Variants in RALGAPB observed in about 807,000 individuals in gnomAD.
The protein encoded by RALGAPB is Ral GTPase activating protein non-catalytic subunit beta, also known as ral GTPase-activating protein subunit beta.
A neutral mutation model predicts 161.1 loss-of-function variants in RALGAPB; 25 were observed. That is an observed-to-expected ratio of 0.16 (90% CI 0.11 to 0.22). RALGAPB has a LOEUF of 0.22. Ranked by LOEUF, RALGAPB falls within the 10% of genes least tolerant of loss-of-function variation. The pLI is 1.00. For synonymous variants in RALGAPB, 629 were observed against 626.1 expected (o/e 1.00, Z -0.07); for missense variants, 1,391 against 1,815.2 (o/e 0.77, Z 4.25).
At chr20:38,553,736 CAGG>C (rs1340354604) in intron 21 of RALGAPB, 128 bp from the exon 22 acceptor site, 2 of 676,540 alleles carry the variant, frequency 3.0e-6, no homozygotes, top group African/African-American at 4.3e-5. Context: ...CACTTGAGCC[CAGG>C]AGTTCAAGAC....
intron 2 of RALGAPB, 146 bp downstream of exon 2, chr20:38,488,764 G>A (rs977471169): frequency 2.0e-5 from 15 of 764,136 alleles, no homozygotes; most frequent in African/African-American, 7.1e-5. Context: ...TCTCCCCAAC[G>A]TAGTATGACT....
Position 38,553,852 on chromosome 20 carries a change from T to C in RALGAPB, c.3163-15T>C. On this transcript the variant is annotated splice_polypyrimidine_tract_variant and intron_variant, in intron 21 of 29. Coordinates refer to ENST00000262879, the MANE Select transcript of RALGAPB (RefSeq NM_020336.4). The stretch of plus-strand genomic sequence containing the variant: ...GATAATAGTTTCAAAAAATGAAATA[T>C]TTGGTTTATTACAGTTAGAAGAGAG... 6.4e-7 allele frequency: 1 copy of C among 1,550,986 alleles called. No individual in the cohort carries two copies. Among genetic ancestry groups the C allele is most frequent in the Non-Finnish European group, 8.8e-7 (1 of 1,130,008 alleles).
At chr20:38,502,668 C>G (rs1441395214) in intron 5 of RALGAPB, among the ~76,000 whole-genome samples, 1 of 152,200 alleles carries the variant, frequency 6.6e-6, no homozygotes, top group Non-Finnish European at 1.5e-5. Context: ...TCACTGCAAC[C>G]TCTGCCTCAT....
intron 2 of RALGAPB, among the ~76,000 whole-genome samples, chr20:38,492,586 C>T (rs908961407): frequency 3.3e-5 from 5 of 152,076 alleles, no homozygotes; most frequent in Non-Finnish European, 7.4e-5. Flanking sequence ...AGAAAAAACT[C>T]TAAAATGTTC....
intron 5 of RALGAPB, among the ~76,000 whole-genome samples, chr20:38,502,666 A>G (rs929923064): frequency 5.9e-5 from 9 of 152,140 alleles, no homozygotes; most frequent in East Asian, 1.9e-4. Flanking sequence ...GCTCACTGCA[A>G]CCTCTGCCTC....
chr20:38,495,081 T>A (rs768568086), intron 3 of RALGAPB, among the ~76,000 whole-genome samples: 9 of 152,240 alleles, frequency 5.9e-5, no homozygotes, highest in Non-Finnish European at 1.3e-4. Flanking sequence ...TAGCTGAATA[T>A]TTTCAATGGT....
chr20:38,494,268 A>G (rs1172351789), intron 3 of RALGAPB, among the ~76,000 whole-genome samples: 1 of 152,174 alleles, frequency 6.6e-6, no homozygotes, highest in Non-Finnish European at 1.5e-5. Context: ...GTATTTTAAT[A>G]CTTAGTACTT....
intron 18 of RALGAPB, among the ~76,000 whole-genome samples, chr20:38,545,661 A>C (rs954055635): frequency 6.6e-6 from 1 of 152,204 alleles, no homozygotes; most frequent in Non-Finnish European, 1.5e-5. Context: ...CTCTCCTCCT[A>C]AAACGAAGAC....
intron 24 of RALGAPB, among the ~76,000 whole-genome samples, chr20:38,562,946 T>C (rs2087839323): frequency 6.6e-6 from 1 of 152,154 alleles, no homozygotes; most frequent in Admixed American, 6.5e-5. Flanking sequence ...TTGAGGGCCA[T>C]GTATTTGTAG....
chr20:38,509,218 T>C lies in RALGAPB; in HGVS notation c.872+10T>C. 1.2e-6 allele frequency: 2 copies of C among 1,610,388 alleles called. No homozygotes were observed. The highest frequency in any genetic ancestry group is 1.1e-5 in the South Asian group (1 of 90,558). The stretch of plus-strand genomic sequence containing the variant: ...TTTTACACATGTTAAGGTATTGTTA[T>C]TTTATTATTTCATGTGCCATTTACC... On this transcript the variant is annotated intron_variant, in intron 6 of 29. Transcript: ENST00000262879.
intron 4 of RALGAPB, among the ~76,000 whole-genome samples, chr20:38,498,069 C>CAAAAAAAA (rs11481813): frequency 8.1e-6 from 1 of 123,870 alleles, no homozygotes. Flanking sequence ...GACTCTGTCT[C>CAAAAAAAA]AAAAAAAAAA....
At chr20:38,559,752 G>T (rs1280214874) in intron 23 of RALGAPB, among the ~76,000 whole-genome samples, 3 of 152,160 alleles carry the variant, frequency 2.0e-5, no homozygotes, top group African/African-American at 7.2e-5. Flanking sequence ...GGAACAAAGA[G>T]ACTAAGAGAA....
At chr20:38,479,747 A>G (rs1178146121) in intron 1 of RALGAPB, among the ~76,000 whole-genome samples, 2 of 152,186 alleles carry the variant, frequency 1.3e-5, no homozygotes, top group African/African-American at 4.8e-5. Context: ...GATCCCTAAT[A>G]TAGCAGTTGA....
At position 38,525,385 on chromosome 20, in the gene RALGAPB, G is replaced by A; in HGVS notation, c.1788-19G>A. On this transcript the variant is annotated intron_variant, in intron 11 of 29. Transcript: ENST00000262879. ...GTGCTTTAGTTCAAAAATACTAATAGCTTTTTATTTTTTGGCAGAGAACTC... is the reference window on the plus strand; with the variant it reads ...GTGCTTTAGTTCAAAAATACTAATAACTTTTTATTTTTTGGCAGAGAACTC... The A allele has an allele frequency of 6.5e-7, 1 of 1,528,096 alleles. No individual in the cohort carries two copies. The highest frequency in any genetic ancestry group is 9.0e-7 in the Non-Finnish European group (1 of 1,116,910). 94.7% of individuals were successfully genotyped at this position (1,528,096 alleles called of 1,614,324 possible).
chr20:38,560,201 C>T (rs752305473), intron 23 of RALGAPB, among the ~76,000 whole-genome samples: 6 of 151,874 alleles, frequency 4.0e-5, no homozygotes, highest in Non-Finnish European at 7.4e-5. Context: ...AGATTTCTGG[C>T]CCCCTAAAAC....
At chr20:38,498,183 T>C (rs1462802401) in intron 4 of RALGAPB, among the ~76,000 whole-genome samples, 5 of 152,160 alleles carry the variant, frequency 3.3e-5, no homozygotes, top group African/African-American at 1.2e-4. Flanking sequence ...TGACAAGATA[T>C]TTTACTCAGC....
In RALGAPB at chr20:38,494,144, C is replaced by T. The variant is rs150523662; in HGVS notation, c.389+1012C>T. Among the ~76,000 whole-genome samples, 202 of 152,326 alleles carry T rather than the reference C, an allele frequency of 1.3e-3. 2 individuals carry two copies. In the East Asian group the frequency reaches 0.028, roughly 21 times the overall value. ...TTCTGCATCACTCTTGTATCTCTCACTGTTTTATTGCTTATCTTTTAAAAT... is the reference window on the plus strand; with the variant it reads ...TTCTGCATCACTCTTGTATCTCTCATTGTTTTATTGCTTATCTTTTAAAAT... On this transcript the variant is annotated intron_variant, in intron 3 of 29. Transcript: ENST00000262879.
intron 10 of RALGAPB, 68 bp downstream of exon 10, chr20:38,521,766 A>G (rs2086297596): frequency 6.6e-7 from 1 of 1,516,636 alleles, no homozygotes; most frequent in Admixed American, 1.7e-5. Flanking sequence ...TGGTTGGCCG[A>G]CTGAACCGAT....
intron 25 of RALGAPB, among the ~76,000 whole-genome samples, chr20:38,565,714 A>G (rs2087972858): frequency 6.6e-6 from 1 of 152,212 alleles, no homozygotes; most frequent in Non-Finnish European, 1.5e-5. Context: ...ATCCCATTTC[A>G]ACTGATATTT....
Sources: allele counts gnomAD v4.1 joint callset (sites outside exome capture counted in the v4.1 genomes callset), GRCh38; gene constraint gnomAD v4.1.1; transcripts MANE v1.5; gene names NCBI Gene and HGNC (gene_info 2026-07-23, HGNC 2026-07-21).